Variants in SPON1 observed in about 807,000 individuals in gnomAD.
SPON1 encodes spondin-1.
In SPON1, 52 loss-of-function variants were observed where a neutral mutation model predicts 111.7. The observed-to-expected ratio is 0.47, with a 90% CI of 0.37 to 0.59. SPON1 has a LOEUF of 0.59. SPON1 is among the 20% of genes least tolerant of loss of function. SPON1 has a pLI of 0.00. For synonymous variants in SPON1, 410 were observed against 395.8 expected, an observed-to-expected ratio of 1.04 and a Z score of -0.43; for missense variants, 957 against 1,068.5, an observed-to-expected ratio of 0.90 and a Z score of 1.46.
intron 5 of SPON1, among the ~76,000 whole-genome samples, chr11:14,121,313 CT>C (rs1196577874): frequency 6.6e-6 from 1 of 152,120 alleles, no homozygotes; most frequent in Non-Finnish European, 1.5e-5. Context: ...TCAAAGCATA[CT>C]TTTATTTTTA....
chr11:14,105,807 G>T (rs1176279474), intron 5 of SPON1, among the ~76,000 whole-genome samples: 2 of 152,100 alleles, frequency 1.3e-5, no homozygotes, highest in Non-Finnish European at 2.9e-5. Flanking sequence ...TCCTCCTGGA[G>T]GTCCAAAAAC....
At chr11:14,257,329 C>G (rs1849120327) in intron 10 of SPON1, among the ~76,000 whole-genome samples, 1 of 152,304 alleles carries the variant, frequency 6.6e-6, no homozygotes, top group South Asian at 2.1e-4. Context: ...TTATTCTTAC[C>G]ATGACAACTG....
intron 6 of SPON1, among the ~76,000 whole-genome samples, chr11:14,176,206 C>T (rs1848173336): frequency 6.6e-6 from 1 of 152,084 alleles, no homozygotes. Context: ...CCATCAGCAA[C>T]CCCTCTGAGA....
chr11:14,183,168 T>A lies in SPON1; in HGVS notation c.825+47600T>A, dbSNP rs554607842. ...TTTTCTGGGCCCATTAGACTAACAT[T>A]AAGGTGTTTGTGCAGATAGCTCAGT... On this transcript the variant is annotated intron_variant, in intron 6 of 15. Coordinates refer to ENST00000576479, the MANE Select transcript of SPON1 (RefSeq NM_006108.4). Among the ~76,000 whole-genome samples, 32 of 152,318 alleles carry A rather than the reference T, an allele frequency of 2.1e-4. No individual in the cohort carries two copies. The South Asian group carries it at 6.6e-3, about 32-fold the overall frequency.
At chr11:13,968,255 T>C (rs183040535) in intron 1 of SPON1, among the ~76,000 whole-genome samples, 1 of 152,354 alleles carries the variant, frequency 6.6e-6, no homozygotes, top group Non-Finnish European at 1.5e-5. Flanking sequence ...CACAGTGTTT[T>C]AAACAAGAGG....
chr11:13,982,167 T>C (rs1328340564), intron 1 of SPON1, among the ~76,000 whole-genome samples: 1 of 68,918 alleles, frequency 1.5e-5, no homozygotes, highest in Non-Finnish European at 3.3e-5. Flanking sequence ...AACTTTATCA[T>C]ATGTATGTAT....
At chr11:14,157,372 CT>C (rs1554930485) in intron 6 of SPON1, among the ~76,000 whole-genome samples, 1 of 152,122 alleles carries the variant, frequency 6.6e-6, no homozygotes, top group Non-Finnish European at 1.5e-5. Flanking sequence ...CTGTCTGTGG[CT>C]TTCATGATTT....
At chr11:13,968,810 C>T (rs1013150029) in intron 1 of SPON1, among the ~76,000 whole-genome samples, 3 of 152,174 alleles carry the variant, frequency 2.0e-5, no homozygotes. Context: ...TCTAAACACA[C>T]TCCGTTGGCA....
chr11:14,083,658 T>G (rs560814861), intron 5 of SPON1, among the ~76,000 whole-genome samples: 29 of 152,360 alleles, frequency 1.9e-4, no homozygotes, highest in Non-Finnish European at 3.8e-4. Flanking sequence ...TTAAACAATA[T>G]GAAAAGCCAT....
intron 6 of SPON1, among the ~76,000 whole-genome samples, chr11:14,174,245 A>G (rs7131254): frequency 0.39 from 59,654 of 152,006 alleles, 11,958 homozygotes; most frequent in East Asian, 0.55. Flanking sequence ...TTTTGTAATC[A>G]CCCCATCTCT....
chr11:14,154,821 G>A (rs1317586816), intron 6 of SPON1, among the ~76,000 whole-genome samples: 1 of 152,142 alleles, frequency 6.6e-6, no homozygotes, highest in Non-Finnish European at 1.5e-5. Flanking sequence ...GTTTATGCAG[G>A]TTAGTGTAGG....
At chr11:14,265,476 G>C (rs1564945621) in intron 15 of SPON1, 48 bp from the exon 16 acceptor site, 1 of 1,578,178 alleles carries the variant, frequency 6.3e-7, no homozygotes, top group East Asian at 2.3e-5. Context: ...CAGCATCCCT[G>C]TTCCGTCCCG....
chr11:14,233,459 C>T (rs542994065), intron 6 of SPON1, among the ~76,000 whole-genome samples: 4 of 152,196 alleles, frequency 2.6e-5, no homozygotes, highest in African/African-American at 4.8e-5. Context: ...GCTCACAAAC[C>T]CCTCAGCCAT....
At chr11:14,166,626 C>T (rs1203357758) in intron 6 of SPON1, among the ~76,000 whole-genome samples, 1 of 152,084 alleles carries the variant, frequency 6.6e-6, no homozygotes. Context: ...AAGTCTATAG[C>T]CACTATTAAA....
intron 6 of SPON1, among the ~76,000 whole-genome samples, chr11:14,168,836 C>T (rs1169186024): frequency 6.6e-6 from 1 of 152,114 alleles, no homozygotes; most frequent in African/African-American, 2.4e-5. Flanking sequence ...TGAACTCATC[C>T]TTTTTTATGG....
intron 3 of SPON1, among the ~76,000 whole-genome samples, chr11:14,064,291 T>C (rs1252032487): frequency 2.6e-5 from 4 of 152,210 alleles, no homozygotes; most frequent in African/African-American, 9.7e-5. Context: ...GAGTACCCAA[T>C]GCCTGAATGC....
intron 5 of SPON1, among the ~76,000 whole-genome samples, chr11:14,102,133 C>T (rs1051535978): frequency 6.6e-6 from 1 of 152,110 alleles, no homozygotes; most frequent in African/African-American, 2.4e-5. Context: ...ATACACTTAT[C>T]ATTAACATTG....
intron 6 of SPON1, among the ~76,000 whole-genome samples, chr11:14,144,634 C>CAATAATAATAATAATAAT (rs71041573): frequency 7.0e-5 from 10 of 142,970 alleles, no homozygotes; most frequent in African/African-American, 2.6e-4. Flanking sequence ...ACTCCATCTC[C>CAATAATAATAATAATAAT]AATAATAATA....
chr11:14,229,926 GTGTC>G lies in SPON1; in HGVS notation c.826-13390_826-13387del, dbSNP rs370640830. On this transcript the variant is annotated intron_variant, in intron 6 of 15. Coordinates refer to ENST00000576479, the MANE Select transcript of SPON1 (RefSeq NM_006108.4). ...GGAAGAGAGGCCAGCCTGTGTGTGT[GTGTC>G]TGTCTGTCTGTCTGTGTGTCCGTGT... 1.4e-3 allele frequency among the ~76,000 whole-genome samples: 212 copies of G among 148,972 alleles called. 1 individual carries two copies. Among genetic ancestry groups the G allele is most frequent in the African/African-American group, 2.5e-3 (102 of 40,136 alleles).
Sources: allele counts gnomAD v4.1 joint callset (sites outside exome capture counted in the v4.1 genomes callset), GRCh38; gene constraint gnomAD v4.1.1; transcripts MANE v1.5; gene names NCBI Gene and HGNC (gene_info 2026-07-23, HGNC 2026-07-21).